Variants in LINGO2 observed in about 807,000 individuals in gnomAD.
LINGO2 encodes leucine-rich repeat and immunoglobulin-like domain-containing nogo receptor-interacting protein 2.
In LINGO2, 14 loss-of-function variants were observed where a neutral mutation model predicts 30.6. The ratio of observed to expected loss-of-function variants is 0.46; its 90% CI spans 0.30 to 0.72. The LOEUF (loss-of-function observed/expected upper bound fraction) is 0.72, where lower values mean the gene tolerates loss of function less well. LINGO2 is among the 30% of genes least tolerant of loss of function. The pLI, the probability that LINGO2 is intolerant of heterozygous loss-of-function variation, is 0.07. For synonymous variants in LINGO2, 317 were observed against 288.5 expected, an observed-to-expected ratio of 1.10 and a Z score of -1.00; for missense variants, 729 against 751.7, an observed-to-expected ratio of 0.97 and a Z score of 0.35.
chr9:28,456,088 G>T (rs1824835364), intron 2 of LINGO2, among the ~76,000 whole-genome samples: 1 of 152,046 alleles, frequency 6.6e-6, no homozygotes, highest in Non-Finnish European at 1.5e-5. Context: ...AACCTGTTAT[G>T]GTTAGTAATT....
At chr9:29,096,906 G>A in the LINGO2 span, among the ~76,000 whole-genome samples, 2 of 138,398 alleles carry the variant, frequency 1.4e-5, no homozygotes, top group African/African-American at 5.4e-5. Context: ...TTTTATGTTA[G>A]TCACATATTT....
chr9:28,699,658 C>T, the LINGO2 span, among the ~76,000 whole-genome samples: 23 of 151,934 alleles, frequency 1.5e-4, no homozygotes, highest in East Asian at 3.9e-4. Flanking sequence ...TTGCAGAGAG[C>T]GTATAAATGG....
At chr9:28,126,398 C>T (rs943904555) in intron 4 of LINGO2, among the ~76,000 whole-genome samples, 1 of 152,132 alleles carries the variant, frequency 6.6e-6, no homozygotes, top group Non-Finnish European at 1.5e-5. Context: ...CACTGACCAC[C>T]GAGACCAATA....
the LINGO2 span, among the ~76,000 whole-genome samples, chr9:28,884,957 TA>T: frequency 0.02 from 353 of 17,248 alleles, 45 homozygotes; most frequent in African/African-American, 0.063. Flanking sequence ...TAATATATAA[TA>T]TTTTATATAT....
chr9:28,552,023 G>C (rs191264811), intron 1 of LINGO2, among the ~76,000 whole-genome samples: 1 of 151,866 alleles, frequency 6.6e-6, no homozygotes, highest in Non-Finnish European at 1.5e-5. Flanking sequence ...GTGTGGTTTT[G>C]TTGCCATTGC....
chr9:29,192,216 C>A, the LINGO2 span, among the ~76,000 whole-genome samples: 9 of 151,992 alleles, frequency 5.9e-5, no homozygotes, highest in South Asian at 2.1e-4. Flanking sequence ...AATTAGATAC[C>A]CCTACCATAT....
At chr9:28,807,098 C>T in the LINGO2 span, among the ~76,000 whole-genome samples, 1 of 151,888 alleles carries the variant, frequency 6.6e-6, no homozygotes, top group African/African-American at 2.4e-5. Flanking sequence ...AATTTCAGCT[C>T]ACTGCAAGCT....
the LINGO2 span, among the ~76,000 whole-genome samples, chr9:28,724,498 C>T: frequency 1.3e-5 from 2 of 152,154 alleles, no homozygotes; most frequent in Non-Finnish European, 2.9e-5. Flanking sequence ...AGCTAATGCA[C>T]TTGCCATAGA....
At chr9:28,713,094 G>T in the LINGO2 span, among the ~76,000 whole-genome samples, 1 of 152,040 alleles carries the variant, frequency 6.6e-6, no homozygotes, top group Non-Finnish European at 1.5e-5. Context: ...TTGAACTCCT[G>T]ACCTCGTGAT....
chr9:28,848,400 T>TAA, the LINGO2 span, among the ~76,000 whole-genome samples: 2 of 29,478 alleles, frequency 6.8e-5, no homozygotes, highest in African/African-American at 1.6e-4. Context: ...TGTGTGTGTA[T>TAA]ATATATATAT....
At chr9:28,248,078 A>C (rs10757722) in intron 4 of LINGO2, among the ~76,000 whole-genome samples, 32,864 of 152,144 alleles carry the variant, frequency 0.22, 3,825 homozygotes, top group East Asian at 0.27. Context: ...ACAGAGCTAC[A>C]ATAAAATCCA....
At chr9:28,367,184 T>G (rs2134544569) in intron 3 of LINGO2, among the ~76,000 whole-genome samples, 1 of 151,030 alleles carries the variant, frequency 6.6e-6, no homozygotes, top group East Asian at 1.9e-4. Context: ...ATTTCAATTC[T>G]TATCTCTCCT....
At chr9:28,337,088 A>G (rs1333147484) in intron 3 of LINGO2, among the ~76,000 whole-genome samples, 1 of 149,184 alleles carries the variant, frequency 6.7e-6, no homozygotes, top group East Asian at 1.9e-4. Flanking sequence ...AAAATATAAA[A>G]GCATAAATAT....
At chr9:29,075,916 TCTGA>T in the LINGO2 span, among the ~76,000 whole-genome samples, 1 of 152,180 alleles carries the variant, frequency 6.6e-6, no homozygotes, top group African/African-American at 2.4e-5. Context: ...GGACATACGG[TCTGA>T]CTGTCAATCA....
chr9:28,411,509 T>C (rs921904402), intron 2 of LINGO2, among the ~76,000 whole-genome samples: 1 of 152,100 alleles, frequency 6.6e-6, no homozygotes, highest in Non-Finnish European at 1.5e-5. Flanking sequence ...AAATCACCAT[T>C]TCCCCTTCCT....
chr9:29,211,282 T>C, the LINGO2 span, among the ~76,000 whole-genome samples: 5 of 152,166 alleles, frequency 3.3e-5, no homozygotes, highest in South Asian at 1.0e-3. Flanking sequence ...CAATAAGCAC[T>C]CTTTCATTTA....
At position 27,968,464 on chromosome 9, in the gene LINGO2, A is replaced by T. The variant is rs148346930; in HGVS notation, c.-35-17758T>A. The stretch of plus-strand genomic sequence containing the variant: ...AGTGAAAAAATAAATTTATATCTAC[A>T]TCCTGAACATAGTTAAGGAAAAATA... On this transcript the variant is annotated intron_variant, in intron 5 of 5. Coordinates refer to ENST00000379992, the Ensembl canonical transcript of LINGO2. Among the ~76,000 whole-genome samples, 332 of 152,166 alleles carry T rather than the reference A, an allele frequency of 2.2e-3. 3 individuals carry two copies. The highest frequency in any genetic ancestry group is 7.6e-3 in the African/African-American group (316 of 41,568).
At chr9:28,603,726 C>T (rs1420996618) in intron 1 of LINGO2, among the ~76,000 whole-genome samples, 1 of 151,990 alleles carries the variant, frequency 6.6e-6, no homozygotes, top group African/African-American at 2.4e-5. Context: ...TCCTTACTTG[C>T]TGCAAATATG....
intron 4 of LINGO2, among the ~76,000 whole-genome samples, chr9:28,227,730 C>T (rs1821218153): frequency 6.6e-6 from 1 of 152,028 alleles, no homozygotes; most frequent in Non-Finnish European, 1.5e-5. Flanking sequence ...AGATTTTCCA[C>T]CAGAGGGCTT....
Sources: gnomAD v4.1 joint callset for allele counts (sites outside exome capture counted in the v4.1 genomes callset) on GRCh38, gnomAD v4.1.1 for gene constraint, MANE v1.5 for transcripts, NCBI Gene and HGNC (gene_info 2026-07-23, HGNC 2026-07-21) for gene names.